Variants in SLC24A3 observed in about 807,000 individuals in gnomAD.
The protein encoded by SLC24A3 is sodium/potassium/calcium exchanger 3.
SLC24A3 carries 28 observed loss-of-function variants against 75.8 expected under a neutral mutation model. That is an observed-to-expected ratio of 0.37 (90% CI 0.27 to 0.51). The LOEUF is 0.51. Among genes scored for constraint, SLC24A3 ranks in the 20% least tolerant of loss-of-function variants. The pLI is 0.94. For synonymous variants in SLC24A3, 372 were observed against 334.1 expected, an observed-to-expected ratio of 1.11 and a Z score of -1.24; for missense variants, 663 against 847.8, an observed-to-expected ratio of 0.78 and a Z score of 2.71.
intron 2 of SLC24A3, among the ~76,000 whole-genome samples, chr20:19,491,808 C>A (rs1205292914): frequency 1.3e-5 from 2 of 152,194 alleles, no homozygotes; most frequent in Non-Finnish European, 2.9e-5. Flanking sequence ...CCCGGGAAGG[C>A]TTCATCTTAA....
intron 2 of SLC24A3, among the ~76,000 whole-genome samples, chr20:19,364,652 G>T (rs1307114450): frequency 2.0e-5 from 3 of 152,038 alleles, no homozygotes; most frequent in Admixed American, 1.3e-4. Flanking sequence ...GTGGGGTTTT[G>T]CCATGTTGCC....
intron 6 of SLC24A3, among the ~76,000 whole-genome samples, chr20:19,639,718 C>T (rs1568681951): frequency 6.6e-6 from 1 of 152,232 alleles, no homozygotes; most frequent in Non-Finnish European, 1.5e-5. Context: ...CGCACAGGAG[C>T]CCATGGAGTG....
intron 6 of SLC24A3, among the ~76,000 whole-genome samples, chr20:19,639,908 C>G (rs940443772): frequency 6.6e-6 from 1 of 152,252 alleles, no homozygotes; most frequent in Non-Finnish European, 1.5e-5. Flanking sequence ...CCGGCAGGGC[C>G]GGCTGGCCGG....
chr20:19,672,589 G>A (rs1327488834), intron 8 of SLC24A3, among the ~76,000 whole-genome samples: 1 of 151,906 alleles, frequency 6.6e-6, no homozygotes, highest in African/African-American at 2.4e-5. Flanking sequence ...CTTTCCTCTC[G>A]GCCTCCCAAA....
At chr20:19,585,210 T>A (rs1445352967) in intron 5 of SLC24A3, among the ~76,000 whole-genome samples, 155 bp downstream of exon 5, 2 of 151,992 alleles carry the variant, frequency 1.3e-5, no homozygotes, top group Non-Finnish European at 2.9e-5. Context: ...CATCTGCCGT[T>A]GTTGTTTTAT....
At chr20:19,686,628 G>A (rs374246338) in intron 12 of SLC24A3, among the ~76,000 whole-genome samples, 5 of 152,186 alleles carry the variant, frequency 3.3e-5, no homozygotes, top group Admixed American at 6.5e-5. Context: ...ACATGGTGCC[G>A]AGTGTCAGAG....
chr20:19,621,200 C>G (rs1410375686), intron 6 of SLC24A3, among the ~76,000 whole-genome samples: 1 of 152,230 alleles, frequency 6.6e-6, no homozygotes, highest in African/African-American at 2.4e-5. Context: ...ATCTCCCCAT[C>G]TGTGCCTTCC....
chr20:19,522,635 C>G (rs2030120547), intron 3 of SLC24A3, among the ~76,000 whole-genome samples: 1 of 152,224 alleles, frequency 6.6e-6, no homozygotes, highest in African/African-American at 2.4e-5. Context: ...CCAACCCCAT[C>G]ACAAAGTACC....
chr20:19,231,552 A>C (rs1411772595), intron 1 of SLC24A3, among the ~76,000 whole-genome samples: 1 of 152,188 alleles, frequency 6.6e-6, no homozygotes, highest in African/African-American at 2.4e-5. Flanking sequence ...GCCGTGAGCC[A>C]AGGAATGGGG....
At chr20:19,672,297 C>T (rs572853211) in intron 8 of SLC24A3, among the ~76,000 whole-genome samples, 37 of 152,252 alleles carry the variant, frequency 2.4e-4, no homozygotes, top group African/African-American at 7.5e-4. Flanking sequence ...TGCATCTGAG[C>T]ACTTTCTAGA....
intron 2 of SLC24A3, among the ~76,000 whole-genome samples, chr20:19,431,709 A>G (rs1373702708): frequency 7.2e-6 from 1 of 139,114 alleles, no homozygotes; most frequent in Non-Finnish European, 1.5e-5. Flanking sequence ...CACTCAAGAA[A>G]TAGATTCACT....
chr20:19,678,722 C>T (rs1426830438), intron 9 of SLC24A3, among the ~76,000 whole-genome samples: 29 of 141,590 alleles, frequency 2.0e-4, no homozygotes, highest in African/African-American at 6.7e-4. Flanking sequence ...GGCTGCCGGG[C>T]GGAGGGGCTC....
chr20:19,510,618 G>C (rs563301301), intron 2 of SLC24A3, among the ~76,000 whole-genome samples: 1 of 152,322 alleles, frequency 6.6e-6, no homozygotes, highest in South Asian at 2.1e-4. Context: ...AAAGGTGTAA[G>C]AGTGGGACCC....
intron 2 of SLC24A3, among the ~76,000 whole-genome samples, chr20:19,379,776 C>T (rs1309560014): frequency 6.6e-6 from 1 of 152,162 alleles, no homozygotes; most frequent in Non-Finnish European, 1.5e-5. Flanking sequence ...ATCTGATTTT[C>T]CCCCTTCTAG....
intron 2 of SLC24A3, among the ~76,000 whole-genome samples, chr20:19,360,496 T>TG (rs1415429720): frequency 6.6e-6 from 1 of 152,216 alleles, no homozygotes; most frequent in Non-Finnish European, 1.5e-5. Context: ...AACATGGGGA[T>TG]GCCACCTGTG....
intron 6 of SLC24A3, among the ~76,000 whole-genome samples, chr20:19,616,927 A>G: frequency 6.6e-6 from 1 of 152,182 alleles, no homozygotes; most frequent in East Asian, 1.9e-4. Flanking sequence ...TCCGTTGGGC[A>G]GAAGAACCAT....
At chr20:19,538,276 A>T (rs1399116874) in intron 3 of SLC24A3, among the ~76,000 whole-genome samples, 2 of 152,104 alleles carry the variant, frequency 1.3e-5, no homozygotes, top group Admixed American at 6.6e-5. Context: ...AAATAGTGTG[A>T]TTTGATCGTC....
chr20:19,318,312 G>A (rs1984629796), intron 2 of SLC24A3, among the ~76,000 whole-genome samples: 1 of 152,180 alleles, frequency 6.6e-6, no homozygotes, highest in Admixed American at 6.5e-5. Context: ...CAGTGGGATT[G>A]AAAGCCAAGA....
At chr20:19,715,729 CA>C (rs2033038815) in intron 15 of SLC24A3, among the ~76,000 whole-genome samples, 1 of 152,148 alleles carries the variant, frequency 6.6e-6, no homozygotes, top group East Asian at 1.9e-4. Flanking sequence ...GCAGTCATGC[CA>C]AGAGGTACCT....
Sources: gnomAD v4.1 joint callset for allele counts (sites outside exome capture counted in the v4.1 genomes callset) on GRCh38, gnomAD v4.1.1 for gene constraint, MANE v1.5 for transcripts, NCBI Gene and HGNC (gene_info 2026-07-23, HGNC 2026-07-21) for gene names.